Variants in SVEP1 observed in about 807,000 individuals in gnomAD.
The protein encoded by SVEP1 is sushi, von Willebrand factor type A, EGF and pentraxin domain containing 1.
A neutral mutation model predicts 367.3 loss-of-function variants in SVEP1; 164 were observed. That is an observed-to-expected ratio of 0.45 (90% CI 0.39 to 0.51). The LOEUF is 0.51. Among genes scored for constraint, SVEP1 ranks in the 20% least tolerant of loss-of-function variants. The pLI, the probability that SVEP1 is intolerant of heterozygous loss-of-function variation, is 0.00. For missense variants in SVEP1, 4,117 were observed against 4,425.3 expected (o/e 0.93, Z 1.98); for synonymous variants, 1,666 against 1,611.6 (o/e 1.03, Z -0.81).
chr9:110,575,853 A>G (rs1036450403), intron 1 of SVEP1, among the ~76,000 whole-genome samples: 3 of 152,230 alleles, frequency 2.0e-5, no homozygotes, highest in Non-Finnish European at 4.4e-5. Flanking sequence ...TATTCAAAAA[A>G]AGGAGCTATA....
intron 27 of SVEP1, 28 bp downstream of exon 27, chr9:110,443,517 G>A (rs777228065): frequency 1.3e-6 from 2 of 1,562,628 alleles, no homozygotes; most frequent in South Asian, 1.2e-5. Flanking sequence ...GAGTCCAACA[G>A]AATTATACTC....
intron 43 of SVEP1, among the ~76,000 whole-genome samples, chr9:110,381,669 T>C (rs1485681535): frequency 6.6e-6 from 1 of 152,186 alleles, no homozygotes; most frequent in Non-Finnish European, 1.5e-5. Flanking sequence ...TATATTCTGT[T>C]GTTTTGGGGT....
Position 110,479,670 on chromosome 9 carries a change from ACTT to A in SVEP1, c.2449_2451del (p.Lys817del). On this transcript the variant is annotated inframe_deletion, in exon 13 of 48. Transcript: ENST00000374469. ...AGGGTCGTCTCAAATGCTTCAGAAA[ACTT>A]CTTCATCAGATCTGTGTCATCACAA... The A allele has an allele frequency of 6.2e-7, 1 of 1,609,928 alleles. No individual in the cohort carries two copies. Among genetic ancestry groups the A allele is most frequent in the Non-Finnish European group, 8.5e-7 (1 of 1,178,466 alleles).
chr9:110,449,700 AAAAT>A (rs1368758592), intron 24 of SVEP1, among the ~76,000 whole-genome samples: 1 of 152,194 alleles, frequency 6.6e-6, no homozygotes, highest in Non-Finnish European at 1.5e-5. Flanking sequence ...TAAAAAAATA[AAAAT>A]AAATAAATAA....
chr9:110,367,615 A>C (rs1827219036), intron 47 of SVEP1, among the ~76,000 whole-genome samples: 1 of 152,070 alleles, frequency 6.6e-6, no homozygotes, highest in South Asian at 2.1e-4. Flanking sequence ...CCTTTTACCC[A>C]GTTTTTTGCC....
intron 3 of SVEP1, among the ~76,000 whole-genome samples, chr9:110,542,586 AT>A (rs1354963609): frequency 1.3e-5 from 2 of 152,148 alleles, no homozygotes; most frequent in Non-Finnish European, 2.9e-5. Context: ...TAAAAATAAA[AT>A]TTAATAACAC....
At chr9:110,427,201 G>A (rs1458195810) in intron 36 of SVEP1, among the ~76,000 whole-genome samples, 1 of 150,976 alleles carries the variant, frequency 6.6e-6, no homozygotes, top group African/African-American at 2.4e-5. Context: ...GGGAGGCTGA[G>A]GCATGAGAAT....
rs1829461354 is a variant in SVEP1, at chr9:110,497,064, G to T, written c.1682-131C>A. 5 of 567,228 alleles carry T rather than the reference G, an allele frequency of 8.8e-6. No individual in the cohort carries two copies. In the South Asian group the frequency reaches 1.5e-4, roughly 17 times the overall value. The allele number at this position is 567,228 out of a possible 1,614,324, so 35.1% of individuals were successfully genotyped here. A position where few individuals can be genotyped will look rare whatever the true frequency, so the allele number is the denominator to read the frequency against. ...GTACATCCCAGTTACTGATTGTTCG[G>T]AATCTGCACCCACCTGCTTTCCTGA... On this transcript the variant is annotated intron_variant, in intron 7 of 47. Transcript: ENST00000374469.
intron 11 of SVEP1, 59 bp downstream of exon 11, chr9:110,482,302 T>C (rs1588074663): frequency 1.3e-6 from 2 of 1,570,304 alleles, no homozygotes; most frequent in African/African-American, 2.7e-5. Context: ...AACAGAGCAC[T>C]ATAGCAATGA....
intron 18 of SVEP1, among the ~76,000 whole-genome samples, chr9:110,460,613 G>A (rs1828844021): frequency 6.6e-6 from 1 of 152,162 alleles, no homozygotes; most frequent in South Asian, 2.1e-4. Flanking sequence ...ATTAGCCAGT[G>A]TGGTGTCAGG....
At chr9:110,552,281 C>T (rs755385713) in intron 1 of SVEP1, among the ~76,000 whole-genome samples, 18 of 151,948 alleles carry the variant, frequency 1.2e-4, no homozygotes, top group Admixed American at 2.0e-4. Flanking sequence ...CCACCTGCCT[C>T]AGCCTCCCAA....
intron 18 of SVEP1, among the ~76,000 whole-genome samples, chr9:110,460,371 A>T (rs1353471020): frequency 6.6e-6 from 1 of 152,222 alleles, no homozygotes; most frequent in Non-Finnish European, 1.5e-5. Flanking sequence ...TAGAGTAAAA[A>T]GTATAACGTG....
chr9:110,546,690 C>T (rs1830225575), intron 2 of SVEP1, among the ~76,000 whole-genome samples: 1 of 152,194 alleles, frequency 6.6e-6, no homozygotes, highest in Non-Finnish European at 1.5e-5. Flanking sequence ...TCCCCAGATC[C>T]TTGTTCCAAT....
At chr9:110,388,581 C>A (rs1827562990) in intron 41 of SVEP1, among the ~76,000 whole-genome samples, 1 of 152,118 alleles carries the variant, frequency 6.6e-6, no homozygotes, top group South Asian at 2.1e-4. Context: ...GGACCAGATG[C>A]TAATGGACTT....
intron 24 of SVEP1, among the ~76,000 whole-genome samples, chr9:110,447,661 T>C (rs1418551698): frequency 2.0e-5 from 3 of 152,236 alleles, no homozygotes; most frequent in Admixed American, 1.3e-4. Context: ...AAGTCCCATA[T>C]AGTGAGTAAG....
At chr9:110,471,134 T>C (rs1829010471) in intron 16 of SVEP1, among the ~76,000 whole-genome samples, 1 of 152,202 alleles carries the variant, frequency 6.6e-6, no homozygotes, top group South Asian at 2.1e-4. Context: ...CTGTGAGGTC[T>C]AAAGATCTTT....
chr9:110,377,226 A>G, intron 45 of SVEP1, 45 bp downstream of exon 45: 1 of 1,576,216 alleles, frequency 6.3e-7, no homozygotes, highest in South Asian at 1.1e-5. Context: ...GGGAGCATCC[A>G]GGCAATTTGT....
At chr9:110,494,942 T>G (rs1462203021) in intron 8 of SVEP1, among the ~76,000 whole-genome samples, 1 of 152,228 alleles carries the variant, frequency 6.6e-6, no homozygotes, top group African/African-American at 2.4e-5. Flanking sequence ...AAAACTCAAA[T>G]GGACCCCCAA....
chr9:110,446,002 G>A lies in SVEP1; in HGVS notation c.4298C>T (p.Ser1433Phe). 1 of 1,613,632 alleles carries A rather than the reference G, an allele frequency of 6.2e-7. No individual in the cohort carries two copies. Among genetic ancestry groups the A allele is most frequent in the Non-Finnish European group, 8.5e-7 (1 of 1,179,714 alleles). The change falls in exon 26 of 48, where the codon TCT becomes TTT. Residue 1433 changes from serine (S) to phenylalanine (F), a missense_variant. By Grantham distance (155) the Ser-to-Phe change is radical. Around this residue, in one of 4 missense-constraint regions of SVEP1, gnomAD observed 2,174 missense variants for 2,494.3 expected, o/e 0.87. Transcript: ENST00000374469. ...STGFNLDFEV[S>F]GIYGYVMLDG... ...TAGCATGACATATCCATAGATGCCA[G>A]AAACTTCAAAATCCAGGTTAAAGCC... is the stretch of plus-strand genomic sequence containing the variant.
Sources: allele counts gnomAD v4.1 joint callset (sites outside exome capture counted in the v4.1 genomes callset), GRCh38; gene constraint gnomAD v4.1.1; regional missense constraint gnomAD v4.1.1; transcripts MANE v1.5; gene names NCBI Gene and HGNC (gene_info 2026-07-23, HGNC 2026-07-21).